The following UMAD1 variants were observed in gnomAD, a reference collection of about 807,000 sequenced individuals.
The protein encoded by UMAD1 is UBAP1-MVB12-associated (UMA)-domain containing protein 1.
UMAD1 carries 8 observed loss-of-function variants against 6.1 expected under a neutral mutation model. That is an observed-to-expected ratio of 1.30 (90% CI 0.76 to 2.35). The LOEUF (loss-of-function observed/expected upper bound fraction) is 2.35. UMAD1 is among the 30% of genes most tolerant of loss of function. The pLI, the probability that UMAD1 is intolerant of heterozygous loss-of-function variation, is 0.00. For synonymous variants in UMAD1, 56 were observed against 31.4 expected, an observed-to-expected ratio of 1.78 and a Z score of -2.61; for missense variants, 130 against 78.4, an observed-to-expected ratio of 1.66 and a Z score of -2.49.
At chr7:7,691,078 C>G (rs749085520) in intron 2 of UMAD1, among the ~76,000 whole-genome samples, 2 of 152,156 alleles carry the variant, frequency 1.3e-5, no homozygotes, top group Non-Finnish European at 1.5e-5. Context: ...GTGACCCTTC[C>G]TGGAACTGAG....
At chr7:7,776,663 G>A (rs1366456572) in intron 2 of UMAD1, among the ~76,000 whole-genome samples, 3 of 152,064 alleles carry the variant, frequency 2.0e-5, no homozygotes, top group Admixed American at 6.5e-5. Flanking sequence ...CTATAATAAC[G>A]GTTACTCTGC....
intron 1 of UMAD1, among the ~76,000 whole-genome samples, chr7:7,663,438 C>T (rs572525196): frequency 6.6e-6 from 1 of 152,254 alleles, no homozygotes; most frequent in African/African-American, 2.4e-5. Context: ...TGCTTATCCT[C>T]TCAGGCATCT....
chr7:7,731,159 C>T (rs1781242382), intron 2 of UMAD1, among the ~76,000 whole-genome samples: 1 of 152,046 alleles, frequency 6.6e-6, no homozygotes, highest in African/African-American at 2.4e-5. Context: ...CCACCACGCC[C>T]AGCTAATTTT....
intron 3 of UMAD1, among the ~76,000 whole-genome samples, chr7:7,832,559 T>C (rs531444960): frequency 6.6e-6 from 1 of 152,330 alleles, no homozygotes; most frequent in South Asian, 2.1e-4. Flanking sequence ...TTGTCTCCAC[T>C]AATCTCCTAA....
intron 1 of UMAD1, among the ~76,000 whole-genome samples, chr7:7,654,047 G>A (rs1785286129): frequency 6.6e-6 from 1 of 152,118 alleles, no homozygotes; most frequent in Admixed American, 6.6e-5. Context: ...TTCATATTGT[G>A]AATAAGAAGC....
At chr7:7,841,156 T>G (rs996027077) in intron 3 of UMAD1, among the ~76,000 whole-genome samples, 3 of 152,218 alleles carry the variant, frequency 2.0e-5, no homozygotes, top group African/African-American at 7.2e-5. Context: ...ATGTATACAC[T>G]CTTACTCCCT....
At chr7:7,876,513 A>G (rs563115330) in intron 3 of UMAD1, among the ~76,000 whole-genome samples, 90 of 152,288 alleles carry the variant, frequency 5.9e-4, no homozygotes, top group African/African-American at 2.1e-3. Flanking sequence ...AATAAATTTC[A>G]GTTTATTATC....
chr7:7,842,399 A>G (rs184433513), intron 3 of UMAD1, among the ~76,000 whole-genome samples: 1 of 152,302 alleles, frequency 6.6e-6, no homozygotes, highest in East Asian at 1.9e-4. Context: ...GATAAGCACA[A>G]CCGAGACCTA....
At chr7:7,732,098 A>G (rs1196229872) in intron 2 of UMAD1, among the ~76,000 whole-genome samples, 1 of 151,982 alleles carries the variant, frequency 6.6e-6, no homozygotes, top group Non-Finnish European at 1.5e-5. Flanking sequence ...TGCTCTAGCC[A>G]TTGAGATTCA....
chr7:7,758,101 G>A lies in UMAD1; in HGVS notation c.83-43569G>A, dbSNP rs1033446615. On this transcript the variant is annotated intron_variant, in intron 2 of 3. Transcript: ENST00000682710. Reference sequence around the variant, plus strand: ...ATTATTATTTTTAATTAGAGACAGGGTTCTCCCTATGTTGACCAGGCTGGT... The same window carrying A: ...ATTATTATTTTTAATTAGAGACAGGATTCTCCCTATGTTGACCAGGCTGGT... Among the ~76,000 whole-genome samples the A allele has an allele frequency of 2.6e-5, 4 of 151,892 alleles. No individual in the cohort carries two copies. The East Asian group carries it at 7.7e-4, about 29-fold the overall frequency.
intron 2 of UMAD1, among the ~76,000 whole-genome samples, chr7:7,731,173 A>G (rs916719280): frequency 2.6e-5 from 4 of 151,502 alleles, no homozygotes; most frequent in African/African-American, 9.7e-5. Flanking sequence ...TAATTTTTGT[A>G]TTTTCAGTAG....
intron 2 of UMAD1, among the ~76,000 whole-genome samples, chr7:7,680,549 A>G (rs1170069968): frequency 2.0e-5 from 3 of 152,080 alleles, no homozygotes; most frequent in East Asian, 3.9e-4. Flanking sequence ...TATAAATGTT[A>G]GGATTATTTT....
intron 2 of UMAD1, among the ~76,000 whole-genome samples, chr7:7,722,426 T>G (rs1418997550): frequency 6.6e-6 from 1 of 152,104 alleles, no homozygotes; most frequent in Non-Finnish European, 1.5e-5. Context: ...ATGAACTGTT[T>G]AGACAGTTAT....
At chr7:7,841,979 A>C (rs981676797) in intron 3 of UMAD1, among the ~76,000 whole-genome samples, 3 of 152,232 alleles carry the variant, frequency 2.0e-5, no homozygotes, top group African/African-American at 7.2e-5. Flanking sequence ...GCCCTGTATG[A>C]AACAAAAATA....
intron 2 of UMAD1, among the ~76,000 whole-genome samples, chr7:7,800,538 C>T (rs1429171550): frequency 2.7e-5 from 4 of 150,586 alleles, no homozygotes; most frequent in African/African-American, 9.8e-5. Context: ...GTGCACCCAT[C>T]ACCTGAGCGG....
chr7:7,834,867 A>G (rs1783536028), intron 3 of UMAD1, among the ~76,000 whole-genome samples: 1 of 152,172 alleles, frequency 6.6e-6, no homozygotes, highest in African/African-American at 2.4e-5. Flanking sequence ...GATACTACCA[A>G]TTATTTTTCA....
chr7:7,717,647 T>C, intron 2 of UMAD1, among the ~76,000 whole-genome samples: 1 of 152,212 alleles, frequency 6.6e-6, no homozygotes, highest in East Asian at 1.9e-4. Context: ...AATTCATCTG[T>C]TTTTCCCACT....
intron 3 of UMAD1, among the ~76,000 whole-genome samples, chr7:7,838,969 G>T (rs148033210): frequency 7.9e-5 from 12 of 152,008 alleles, no homozygotes; most frequent in African/African-American, 2.9e-4. Context: ...AAGAATAAAC[G>T]CAAAATTCAG....
At chr7:7,874,392 C>G (rs1192878932) in intron 3 of UMAD1, among the ~76,000 whole-genome samples, 2 of 152,204 alleles carry the variant, frequency 1.3e-5, no homozygotes, top group Admixed American at 6.5e-5. Flanking sequence ...GAATATATCA[C>G]CTTTCCAACA....
Sources: allele counts gnomAD v4.1 joint callset (sites outside exome capture counted in the v4.1 genomes callset), GRCh38; gene constraint gnomAD v4.1.1; transcripts MANE v1.5; gene names NCBI Gene and HGNC (gene_info 2026-07-23, HGNC 2026-07-21).